IL15RA: variants seen among roughly 807,000 people sequenced by gnomAD.
IL15RA encodes interleukin 15 receptor subunit alpha.
IL15RA carries 26 observed loss-of-function variants against 24.2 expected under a neutral mutation model. The observed-to-expected ratio is 1.07, with a 90% CI of 0.79 to 1.49. The LOEUF is 1.49. Among genes scored for constraint, IL15RA ranks in the 40% most tolerant of loss-of-function variants. IL15RA has a pLI of 0.00. For missense variants in IL15RA, 354 were observed against 356.4 expected (o/e 0.99, Z 0.05); for synonymous variants, 166 against 157.6 (o/e 1.05, Z -0.40).
At position 5,963,888 on chromosome 10, in the gene IL15RA, C is replaced by A. The variant is rs1354517754; in HGVS notation, c.284-47G>T. On this transcript the variant is annotated intron_variant, in intron 2 of 6. Transcript: ENST00000379977. This position sits in a 1 kb window ranked among gnomAD's most constrained non-coding sequence, Gnocchi z 5.3. ...GGCACTTATGATCCTGAGCCTGGAA[C>A]CTGGGCTGGCTTCAGAACGGGATAC... 1.6e-6 allele frequency: 2 copies of A among 1,258,386 alleles called. No homozygotes were observed. The highest frequency in any genetic ancestry group is 1.5e-5 in the South Asian group (1 of 68,678). The allele number at this position is 1,258,386 out of a possible 1,614,324, so 78.0% of individuals were successfully genotyped here.
In IL15RA at chr10:5,970,369, T is replaced by G. The variant is rs1248341118; in HGVS notation, c.89-4030A>C. On this transcript the variant is annotated intron_variant, in intron 1 of 6. Transcript: ENST00000379977. This position sits in a 1 kb window ranked among gnomAD's most constrained non-coding sequence, Gnocchi z 4.1. ...ACCCCATGACACATTGTTATTATTT[T>G]GCTTTAAACAGTTGATTATTGTTTA... is the stretch of plus-strand genomic sequence containing the variant. 6.6e-6 allele frequency among the ~76,000 whole-genome samples: 1 copy of G among 152,256 alleles called. No homozygotes were observed. Among genetic ancestry groups the G allele is most frequent in the Non-Finnish European group, 1.5e-5 (1 of 68,050 alleles).
At position 5,953,338 on chromosome 10, in the gene IL15RA, G is replaced by T; in HGVS notation, c.693-132C>A. On this transcript the variant is annotated intron_variant, in intron 6 of 6. Transcript: ENST00000379977. The surrounding 1 kb of genome is among the most constrained non-coding windows in gnomAD (Gnocchi z 5.3). ...AGCAGACAGAGGCCCTGCCACGGGA[G>T]TCAGACAGAGAGCACTTAGTCCTCA... The T allele has an allele frequency of 1.4e-6, 1 of 733,844 alleles. No individual in the cohort carries two copies. The highest frequency in any genetic ancestry group is 2.5e-6 in the Non-Finnish European group (1 of 399,006). The allele number at this position is 733,844 out of a possible 1,614,324, so 45.5% of individuals were successfully genotyped here.
In IL15RA at chr10:5,962,006, G is replaced by T. The variant is rs897731074; in HGVS notation, c.383-1439C>A. The stretch of plus-strand genomic sequence containing the variant: ...AGTGCCCACGGTCGTGCCAGCTCGG[G>T]TCAAAGGCTGCTGTCACATCGGGGC... On this transcript the variant is annotated intron_variant, in intron 3 of 6. Coordinates refer to ENST00000379977, the MANE Select transcript of IL15RA (RefSeq NM_002189.4). This position sits in a 1 kb window ranked among gnomAD's most constrained non-coding sequence, Gnocchi z 5.2. 5.9e-5 allele frequency among the ~76,000 whole-genome samples: 9 copies of T among 152,328 alleles called. No individual in the cohort carries two copies. In the Middle Eastern group the frequency reaches 0.01, roughly 173 times the overall value.
downstream of IL15RA, among the ~76,000 whole-genome samples, chr10:5,952,128 G>A (rs1207149678): frequency 1.3e-5 from 2 of 152,200 alleles, no homozygotes; most frequent in Non-Finnish European, 2.9e-5. Flanking sequence ...AGAAGAAGAA[G>A]GGAAGAGACG....
chr10:5,956,283 G>T, intron 6 of IL15RA, 96 bp downstream of exon 6: 1 of 962,472 alleles, frequency 1.0e-6, no homozygotes, highest in Non-Finnish European at 1.6e-6. Context: ...CCAAAGTGCT[G>T]GAATTCCAGG....
At chr10:5,951,324 TC>T (rs1412395729), downstream of IL15RA, among the ~76,000 whole-genome samples, 2 of 150,712 alleles carry the variant, frequency 1.3e-5, no homozygotes, top group East Asian at 2.0e-4. Flanking sequence ...CTCTGTCCCC[TC>T]CCCCACAAAA....
intron 1 of IL15RA, among the ~76,000 whole-genome samples, chr10:5,976,783 GC>G (rs1386058501): frequency 6.6e-6 from 1 of 151,456 alleles, no homozygotes; most frequent in Non-Finnish European, 1.5e-5. Flanking sequence ...CTCCAGGCTG[GC>G]CCCCACTCCC....
rs1660920007 is a variant in IL15RA, at chr10:5,967,008, C to T, written c.89-669G>A. 1.3e-5 allele frequency among the ~76,000 whole-genome samples: 2 copies of T among 152,010 alleles called. No individual in the cohort carries two copies. Among genetic ancestry groups the T allele is most frequent in the Non-Finnish European group, 2.9e-5 (2 of 68,000 alleles). On this transcript the variant is annotated intron_variant, in intron 1 of 6. Transcript: ENST00000379977. The surrounding 1 kb of genome is among the most constrained non-coding windows in gnomAD (Gnocchi z 4.4). ...AAATGATCTGCCCGCCTCGGCCTCCCAAAGTGCTGGGATTACAGGTGTGAG... is the reference window on the plus strand; with the variant it reads ...AAATGATCTGCCCGCCTCGGCCTCCTAAAGTGCTGGGATTACAGGTGTGAG...
rs180744502 is a variant in IL15RA, at chr10:5,952,954, C to T, written c.*141G>A. 4.4e-6 allele frequency: 3 copies of T among 681,246 alleles called. No homozygotes were observed. The highest frequency in any genetic ancestry group is 2.5e-5 in the East Asian group (1 of 39,244). 42.2% of individuals were successfully genotyped at this position (681,246 alleles called of 1,614,324 possible). A position where few individuals can be genotyped will look rare whatever the true frequency, so the allele number is the denominator to read the frequency against. On this transcript the variant is annotated 3_prime_UTR_variant, in exon 7 of 7. Coordinates refer to ENST00000379977, the MANE Select transcript of IL15RA (RefSeq NM_002189.4). The stretch of plus-strand genomic sequence containing the variant: ...CGCAGGAGGCGCCGACCCGGCAGTC[C>T]GTGAGATCCTGCTGGGACTTCTGAG...
chr10:5,960,427 G>A lies in IL15RA; in HGVS notation c.523C>T (p.Pro175Ser), dbSNP rs1257078526. 6 of 1,614,040 alleles carry A rather than the reference G, an allele frequency of 3.7e-6. No homozygotes were observed. Among genetic ancestry groups the A allele is most frequent in the Non-Finnish European group, 5.1e-6 (6 of 1,180,010 alleles). ...ISSHESSHGT[P>S]SQTTAKNWEL... ...CAGTTCTTGGCTGTTGTCTGAGAGG[G>A]GGTGCCGTGGGAGGACTCATGACTG... Residue 175 changes from proline to serine, a missense_variant, in exon 4 of 7, where the codon CCC becomes TCC. Pro to Ser is a moderately conservative substitution (Grantham distance 74, BLOSUM62 -1). Transcript: ENST00000379977. This position sits in a 1 kb window ranked among gnomAD's most constrained non-coding sequence, Gnocchi z 5.1.
At chr10:5,976,584 T>G (rs1245739518) in intron 1 of IL15RA, among the ~76,000 whole-genome samples, 1 of 152,102 alleles carries the variant, frequency 6.6e-6, no homozygotes, top group East Asian at 1.9e-4. Flanking sequence ...TATAAAAAGA[T>G]AAAGAAGCGC....
downstream of IL15RA, among the ~76,000 whole-genome samples, chr10:5,950,159 T>A (rs1833772643): frequency 1.3e-5 from 2 of 151,956 alleles, no homozygotes; most frequent in Non-Finnish European, 2.9e-5. The surrounding 1 kb of genome is among the most constrained non-coding windows in gnomAD (Gnocchi z 5.6). Context: ...TGAAGAGTAA[T>A]CCTTTTTCTT....
Position 5,962,095 on chromosome 10 carries a change from G to C in IL15RA, c.383-1528C>G, listed in dbSNP as rs1421033068. On this transcript the variant is annotated intron_variant, in intron 3 of 6. Transcript: ENST00000379977. The surrounding 1 kb of genome is among the most constrained non-coding windows in gnomAD (Gnocchi z 5.2). ...ACCAGGTATTGGGGATGCGAAGGTG[G>C]GGCTGGGAGAGCCTACTTGATCATT... 2.0e-5 allele frequency among the ~76,000 whole-genome samples: 3 copies of C among 152,182 alleles called. No homozygotes were observed. Among genetic ancestry groups the C allele is most frequent in the Non-Finnish European group, 1.5e-5 (1 of 68,036 alleles).
At chr10:5,957,776 G>A (rs1057081752) in intron 5 of IL15RA, among the ~76,000 whole-genome samples, 8 of 151,958 alleles carry the variant, frequency 5.3e-5, no homozygotes, top group African/African-American at 1.9e-4. Context: ...ATTTTTGGTA[G>A]AGATGGTGTT....
rs780757145 is a variant in IL15RA at position 5,961,873 on chromosome 10, C to T, written c.383-1306G>A. On this transcript the variant is annotated intron_variant, in intron 3 of 6. Transcript: ENST00000379977. The surrounding 1 kb of genome is among the most constrained non-coding windows in gnomAD (Gnocchi z 5.2). ...CCCAGCCACACAGGTCATGAGAAGG[C>T]CTCACGCCCCTTAATCCTGTGTCAC... 2.0e-5 allele frequency among the ~76,000 whole-genome samples: 3 copies of T among 152,352 alleles called. No individual in the cohort carries two copies. Among genetic ancestry groups the T allele is most frequent in the Non-Finnish European group, 1.5e-5 (1 of 68,040 alleles).
chr10:5,968,859 T>C lies in IL15RA; in HGVS notation c.89-2520A>G, dbSNP rs1342960364. On this transcript the variant is annotated intron_variant, in intron 1 of 6. Coordinates refer to ENST00000379977, the MANE Select transcript of IL15RA (RefSeq NM_002189.4). This position sits in a 1 kb window ranked among gnomAD's most constrained non-coding sequence, Gnocchi z 5.4. ...GAGTCTCACGCAGGCCTCGTGTGTC[T>C]GGACCTCATGGTTGAAGCTTTCAGA... 8 of 1,054,810 alleles carry C rather than the reference T, an allele frequency of 7.6e-6. No homozygotes were observed. Among genetic ancestry groups the C allele is most frequent in the African/African-American group, 1.6e-5 (1 of 63,754 alleles). The allele number at this position is 1,054,810 out of a possible 1,614,324, so 65.3% of individuals were successfully genotyped here.
rs1478179761 is a variant in IL15RA, at chr10:5,973,560, A to G, written c.88+3845T>C. On this transcript the variant is annotated intron_variant, in intron 1 of 6. Coordinates refer to ENST00000379977, the MANE Select transcript of IL15RA (RefSeq NM_002189.4). The surrounding 1 kb of genome is among the most constrained non-coding windows in gnomAD (Gnocchi z 4.5). ...AAGGTATAAGAGAAGGTCAGTGAAGATAATCTTTTCAATAAAGGGTGCTGG... is the reference window on the plus strand; with the variant it reads ...AAGGTATAAGAGAAGGTCAGTGAAGGTAATCTTTTCAATAAAGGGTGCTGG... 6.6e-6 allele frequency among the ~76,000 whole-genome samples: 1 copy of G among 152,234 alleles called. No individual in the cohort carries two copies. The highest frequency in any genetic ancestry group is 1.5e-5 in the Non-Finnish European group (1 of 68,032).
chr10:5,965,683 G>A lies in IL15RA; in HGVS notation c.283+462C>T, dbSNP rs892743648. Among the ~76,000 whole-genome samples the A allele has an allele frequency of 7.9e-5, 12 of 152,190 alleles. No individual in the cohort carries two copies. The highest frequency in any genetic ancestry group is 5.2e-4 in the Admixed American group (8 of 15,270). On this transcript the variant is annotated intron_variant, in intron 2 of 6. Coordinates refer to ENST00000379977, the MANE Select transcript of IL15RA (RefSeq NM_002189.4). The surrounding 1 kb of genome is among the most constrained non-coding windows in gnomAD (Gnocchi z 5.8). ...ACCCCAGCACCTGTGTGTTTCCAAC[G>A]CCAGGAGCTGTTGCTGAGGATCACA...
chr10:5,955,432 T>C lies in IL15RA; in HGVS notation c.692+947A>G, dbSNP rs966575367. On this transcript the variant is annotated intron_variant, in intron 6 of 6. Coordinates refer to ENST00000379977, the MANE Select transcript of IL15RA (RefSeq NM_002189.4). This position sits in a 1 kb window ranked among gnomAD's most constrained non-coding sequence, Gnocchi z 5.3. ...ATAATTTTTATATTGATATCACATTTAGAAAAGAATGTTTTATAACTATTA... is the reference window on the plus strand; with the variant it reads ...ATAATTTTTATATTGATATCACATTCAGAAAAGAATGTTTTATAACTATTA... Among the ~76,000 whole-genome samples the C allele has an allele frequency of 3.3e-5, 5 of 152,130 alleles. No individual in the cohort carries two copies. The highest frequency in any genetic ancestry group is 1.2e-4 in the African/African-American group (5 of 41,422).
Sources: gnomAD v4.1 joint callset for allele counts (sites outside exome capture counted in the v4.1 genomes callset) on GRCh38, gnomAD v4.1.1 for gene constraint, Gnocchi (gnomAD v3.1) non-coding constraint, MANE v1.5 for transcripts, NCBI Gene and HGNC (gene_info 2026-07-23, HGNC 2026-07-21) for gene names.